Variants in ROBO2 observed in about 807,000 individuals in gnomAD.
ROBO2 encodes roundabout guidance receptor 2, also known as roundabout homolog 2.
ROBO2 carries 53 observed loss-of-function variants against 160.8 expected under a neutral mutation model. The ratio of observed to expected loss-of-function variants is 0.33; its 90% confidence interval spans 0.26 to 0.41. ROBO2 has a LOEUF of 0.41. ROBO2 is among the 10% of genes least tolerant of loss of function. ROBO2 has a pLI of 1.00. For synonymous variants in ROBO2, 664 were observed against 611.7 expected (o/e 1.09, Z -1.26); for missense variants, 1,577 against 1,722.4 (o/e 0.92, Z 1.49).
At position 76,048,299 on chromosome 3, in the gene ROBO2, A is replaced by T. The variant is rs530708171; in HGVS notation, c.109+110697A>T. Among the ~76,000 whole-genome samples, 15 of 152,260 alleles carry T rather than the reference A, an allele frequency of 9.9e-5. No individual in the cohort carries two copies. The East Asian group carries it at 1.5e-3, about 16-fold the overall frequency. On this transcript the variant is annotated intron_variant, in intron 2 of 26. Coordinates refer to the ROBO2 transcript ENST00000487694. ...TTCTGCTAGTGATAGAGCAATTCTG[A>T]TTGAAATCATACCATTTTAGATAAA...
chr3:76,665,954 A>T (rs1200150921), intron 2 of ROBO2, among the ~76,000 whole-genome samples: 50 of 121,806 alleles, frequency 4.1e-4, no homozygotes, highest in Admixed American at 1.1e-3. Flanking sequence ...ATTATATATA[A>T]TATATACATA....
At chr3:77,064,615 C>A in intron 1 of ROBO2, among the ~76,000 whole-genome samples, 1 of 152,238 alleles carries the variant, frequency 6.6e-6, no homozygotes, top group Non-Finnish European at 1.5e-5. Flanking sequence ...CACTCCTTGG[C>A]CTCCCAAAGT....
At chr3:77,580,696 G>A (rs1054703649) in intron 16 of ROBO2, among the ~76,000 whole-genome samples, 4 of 152,100 alleles carry the variant, frequency 2.6e-5, no homozygotes, top group African/African-American at 9.6e-5. Flanking sequence ...TTTCACTAAG[G>A]ATAATGTTTT....
At chr3:77,429,645 T>A (rs2078575825) in intron 2 of ROBO2, among the ~76,000 whole-genome samples, 1 of 151,216 alleles carries the variant, frequency 6.6e-6, no homozygotes, top group Non-Finnish European at 1.5e-5. Context: ...ACTCAGTATT[T>A]CATGATGTTC....
intron 2 of ROBO2, among the ~76,000 whole-genome samples, chr3:77,263,920 G>A (rs1214898555): frequency 6.6e-6 from 1 of 152,084 alleles, no homozygotes; most frequent in East Asian, 1.9e-4. Flanking sequence ...GTGTCTTGGT[G>A]TTCTCAGATG....
intron 2 of ROBO2, among the ~76,000 whole-genome samples, chr3:76,610,129 G>A (rs1279158448): frequency 6.6e-6 from 1 of 152,178 alleles, no homozygotes; most frequent in East Asian, 1.9e-4. Context: ...GAGGATTTTT[G>A]CATCGATGTT....
intron 2 of ROBO2, among the ~76,000 whole-genome samples, chr3:77,251,842 G>A (rs557700854): frequency 1.3e-5 from 2 of 152,192 alleles, no homozygotes; most frequent in East Asian, 1.9e-4. Context: ...CTGATTGTGC[G>A]GGCTCCCCAG....
At chr3:75,943,178 T>C in intron 2 of ROBO2, among the ~76,000 whole-genome samples, 1 of 152,312 alleles carries the variant, frequency 6.6e-6, no homozygotes, top group East Asian at 1.9e-4. Flanking sequence ...TAATTTAGAC[T>C]TTTTTGTTTT....
chr3:77,153,575 C>T (rs1437765775), intron 2 of ROBO2, among the ~76,000 whole-genome samples: 2 of 152,076 alleles, frequency 1.3e-5, no homozygotes, highest in Non-Finnish European at 2.9e-5. Flanking sequence ...CCACAGTTGA[C>T]TTCCTAGTTC....
At chr3:76,767,813 T>A (rs1444301232) in intron 2 of ROBO2, among the ~76,000 whole-genome samples, 1 of 151,524 alleles carries the variant, frequency 6.6e-6, no homozygotes, top group Non-Finnish European at 1.5e-5. Context: ...GATCCATTTA[T>A]ATATACAGAA....
intron 5 of ROBO2, among the ~76,000 whole-genome samples, chr3:77,514,953 G>GT (rs889204713): frequency 7.2e-5 from 11 of 151,736 alleles, no homozygotes; most frequent in African/African-American, 2.7e-4. Flanking sequence ...AGTCACAAGA[G>GT]TTTTTTCCCC....
chr3:76,409,839 A>T (rs970907388), intron 2 of ROBO2, among the ~76,000 whole-genome samples: 2 of 152,120 alleles, frequency 1.3e-5, no homozygotes, highest in Non-Finnish European at 2.9e-5. Flanking sequence ...AGCGAAACAA[A>T]TGGTTATTAC....
At chr3:76,447,953 T>G in intron 2 of ROBO2, among the ~76,000 whole-genome samples, 1 of 150,042 alleles carries the variant, frequency 6.7e-6, no homozygotes, top group Admixed American at 6.6e-5. Flanking sequence ...AATGACGAGT[T>G]AATGGGTGCA....
chr3:76,838,228 T>A (rs2067890351), intron 2 of ROBO2, among the ~76,000 whole-genome samples: 1 of 151,978 alleles, frequency 6.6e-6, no homozygotes, highest in Non-Finnish European at 1.5e-5. Flanking sequence ...TGGGGTTTAC[T>A]TGAGAGTGGA....
intron 2 of ROBO2, among the ~76,000 whole-genome samples, chr3:76,979,699 G>A (rs1346189447): frequency 2.0e-5 from 3 of 148,940 alleles, no homozygotes; most frequent in Admixed American, 6.7e-5. Flanking sequence ...ATGAATGATA[G>A]TTAATTTTGT....
intron 2 of ROBO2, among the ~76,000 whole-genome samples, chr3:76,937,435 G>A (rs371178864): frequency 4.6e-5 from 7 of 151,866 alleles, no homozygotes; most frequent in African/African-American, 1.5e-4. Context: ...TTTTATCACA[G>A]CTATAATCAG....
Position 77,514,092 on chromosome 3 carries a change from A to G in ROBO2, c.807-8683A>G, listed in dbSNP as rs140503481. On this transcript the variant is annotated intron_variant, in intron 5 of 25. Coordinates refer to ENST00000461745, the Ensembl canonical transcript of ROBO2. Reference sequence around the variant, plus strand: ...TTAATTACAGCCAATGATACCTTCTACATTGACACTGATCATTACATATGA... The same window carrying G: ...TTAATTACAGCCAATGATACCTTCTGCATTGACACTGATCATTACATATGA... 2.0e-3 allele frequency among the ~76,000 whole-genome samples: 310 copies of G among 151,752 alleles called. 4 individuals are homozygous for G. Among genetic ancestry groups the G allele is most frequent in the African/African-American group, 6.9e-3 (285 of 41,458 alleles).
chr3:76,436,006 G>A (rs2076658296), intron 2 of ROBO2, among the ~76,000 whole-genome samples: 2 of 152,038 alleles, frequency 1.3e-5, no homozygotes, highest in South Asian at 4.1e-4. Context: ...ATTCTATCCT[G>A]GTTCTGCCTC....
intron 2 of ROBO2, among the ~76,000 whole-genome samples, chr3:76,468,474 A>G (rs372205473): frequency 6.6e-6 from 1 of 152,032 alleles, no homozygotes; most frequent in African/African-American, 2.4e-5. Context: ...TTCTCACTCA[A>G]CTTCTTGCCC....
Sources: allele counts gnomAD v4.1 joint callset (sites outside exome capture counted in the v4.1 genomes callset), GRCh38; gene constraint gnomAD v4.1.1; transcripts MANE v1.5; gene names NCBI Gene and HGNC (gene_info 2026-07-23, HGNC 2026-07-21).